The following DLGAP2 variants were observed in gnomAD, a reference collection of about 807,000 sequenced individuals.
The protein encoded by DLGAP2 is DLG associated protein 2.
A neutral mutation model predicts 100.3 loss-of-function variants in DLGAP2; 26 were observed. The ratio of observed to expected loss-of-function variants is 0.26; its 90% CI spans 0.19 to 0.36. The LOEUF is 0.36. Among genes scored for constraint, DLGAP2 ranks in the 10% least tolerant of loss-of-function variants. The pLI is 1.00. For missense variants in DLGAP2, 1,858 were observed against 1,453.2 expected (o/e 1.28, Z -4.53); for synonymous variants, 886 against 630.1 (o/e 1.41, Z -6.08).
intron 3 of DLGAP2, among the ~76,000 whole-genome samples, chr8:1,347,357 T>C (rs975307787): frequency 6.6e-6 from 1 of 151,618 alleles, no homozygotes; most frequent in Admixed American, 6.6e-5. Context: ...GAGGTTGAGT[T>C]CCCATACACA....
intron 14 of DLGAP2, among the ~76,000 whole-genome samples, chr8:1,699,099 A>G (rs550391042): frequency 3.9e-4 from 59 of 152,362 alleles, no homozygotes; most frequent in African/African-American, 1.4e-3. Flanking sequence ...GTTCAAACGG[A>G]ACGTACTGAA....
chr8:1,623,055 G>T (rs1433003049), intron 6 of DLGAP2, among the ~76,000 whole-genome samples: 1 of 152,198 alleles, frequency 6.6e-6, no homozygotes, highest in Non-Finnish European at 1.5e-5. Context: ...ATGATAAAAT[G>T]CTAAGCCATT....
intron 3 of DLGAP2, among the ~76,000 whole-genome samples, chr8:1,313,924 TC>T (rs1800669818): frequency 6.6e-6 from 1 of 152,178 alleles, no homozygotes; most frequent in Non-Finnish European, 1.5e-5. Flanking sequence ...ACGGTAGCTT[TC>T]CACACAAAAT....
At chr8:1,209,439 C>T (rs1036497725) in intron 2 of DLGAP2, among the ~76,000 whole-genome samples, 1 of 152,178 alleles carries the variant, frequency 6.6e-6, no homozygotes, top group Non-Finnish European at 1.5e-5. Flanking sequence ...TGTGATATAT[C>T]ATTGCATATG....
chr8:1,134,254 G>GT (rs1224641043), intron 2 of DLGAP2, among the ~76,000 whole-genome samples: 1 of 152,140 alleles, frequency 6.6e-6, no homozygotes, highest in African/African-American at 2.4e-5. Flanking sequence ...TGGCATTTAG[G>GT]TTGATTCCAT....
intron 2 of DLGAP2, among the ~76,000 whole-genome samples, chr8:1,108,000 A>G (rs1267232368): frequency 1.3e-5 from 2 of 152,210 alleles, no homozygotes; most frequent in African/African-American, 2.4e-5. Context: ...GAATAGTCGT[A>G]GTTGAGCCTG....
chr8:1,577,254 A>C lies in DLGAP2; in HGVS notation c.1442+11360A>C, dbSNP rs570462039. 2.6e-5 allele frequency among the ~76,000 whole-genome samples: 4 copies of C among 152,174 alleles called. No homozygotes were observed. The South Asian group carries it at 8.3e-4, about 32-fold the overall frequency. On this transcript the variant is annotated intron_variant, in intron 6 of 14. Transcript: ENST00000637795. ...ACTTTTTAACCCCGTAAATACACAT[A>C]CTTTGTCAATATACGATAAAAATTT...
At chr8:1,539,776 T>A (rs1299848670) in intron 4 of DLGAP2, among the ~76,000 whole-genome samples, 1 of 152,204 alleles carries the variant, frequency 6.6e-6, no homozygotes, top group African/African-American at 2.4e-5. Context: ...ACCTTCTGTG[T>A]GGATGTGTGA....
rs983016096 is a variant in DLGAP2 at position 1,240,375 on chromosome 8, C to T, written c.74-18476C>T. Among the ~76,000 whole-genome samples the T allele has an allele frequency of 8.3e-5, 12 of 144,944 alleles. No individual in the cohort carries two copies. The East Asian group carries it at 2.1e-3, about 25-fold the overall frequency. ...TCTAGTTCTGTCTCACACAGAGCATCGTGTCTGGTTCTCTCACATGGCACC... is the reference window on the plus strand; with the variant it reads ...TCTAGTTCTGTCTCACACAGAGCATTGTGTCTGGTTCTCTCACATGGCACC... On this transcript the variant is annotated intron_variant, in intron 2 of 14. Transcript: ENST00000637795.
intron 2 of DLGAP2, among the ~76,000 whole-genome samples, chr8:1,209,910 C>T (rs115246535): frequency 0.012 from 1,873 of 152,284 alleles, 33 homozygotes; most frequent in African/African-American, 0.036. Flanking sequence ...CCCTGAGAAA[C>T]GGCGTGTCAT....
intron 1 of DLGAP2, among the ~76,000 whole-genome samples, chr8:814,630 G>A (rs560396406): frequency 3.3e-5 from 5 of 151,898 alleles, no homozygotes; most frequent in South Asian, 2.1e-4. Context: ...GGTGGATCAC[G>A]AGGTCAGGAG....
intron 13 of DLGAP2, 88 bp from the exon 14 acceptor site, chr8:1,697,059 G>C (rs1045455829): frequency 1.5e-6 from 2 of 1,350,218 alleles, no homozygotes; most frequent in Non-Finnish European, 9.7e-7. Context: ...TCCGCCTCTT[G>C]AAAGGCATGC....
At chr8:1,228,502 T>C (rs2116828595) in intron 2 of DLGAP2, among the ~76,000 whole-genome samples, 1 of 152,304 alleles carries the variant, frequency 6.6e-6, no homozygotes, top group South Asian at 2.1e-4. Context: ...AATGACATCA[T>C]AAGAAACTAC....
intron 3 of DLGAP2, among the ~76,000 whole-genome samples, chr8:1,333,478 G>A (rs1204483705): frequency 6.6e-6 from 1 of 152,116 alleles, no homozygotes; most frequent in Non-Finnish European, 1.5e-5. Context: ...TCTAAATAGC[G>A]ATGTTTTGTG....
In DLGAP2 at chr8:1,173,698, A is replaced by G. The variant is rs182397826; in HGVS notation, c.74-85153A>G. ...ACCCTCTGAGCCAGGTGCAGGATAT[A>G]ATCTCCTGGTGCGCCATTTTTTAAG... On this transcript the variant is annotated intron_variant, in intron 2 of 14. Coordinates refer to ENST00000637795, the MANE Select transcript of DLGAP2 (RefSeq NM_001346810.2). 3.9e-5 allele frequency among the ~76,000 whole-genome samples: 6 copies of G among 152,272 alleles called. No homozygotes were observed. The East Asian group carries it at 9.7e-4, about 25-fold the overall frequency.
At chr8:1,042,011 C>G (rs1410141661) in intron 2 of DLGAP2, among the ~76,000 whole-genome samples, 1 of 152,154 alleles carries the variant, frequency 6.6e-6, no homozygotes, top group African/African-American at 2.4e-5. Flanking sequence ...AATTCTGTGT[C>G]CCCTAGATGG....
intron 1 of DLGAP2, among the ~76,000 whole-genome samples, chr8:745,628 A>C (rs1820599975): frequency 6.6e-6 from 1 of 152,246 alleles, no homozygotes; most frequent in Admixed American, 6.5e-5. Context: ...TAAGTTAGCT[A>C]AGTGGATGTT....
intron 2 of DLGAP2, among the ~76,000 whole-genome samples, chr8:1,256,293 C>T (rs150081168): frequency 0.015 from 1,913 of 128,488 alleles, 65 homozygotes; most frequent in African/African-American, 0.053. Context: ...TCCTCTCCTG[C>T]CCGGGTGCTG....
Position 959,457 on chromosome 8 carries a change from T to G in DLGAP2, c.73+51491T>G, listed in dbSNP as rs1799671874. Among the ~76,000 whole-genome samples, 3 of 152,326 alleles carry G rather than the reference T, an allele frequency of 2.0e-5. No homozygotes were observed. In the South Asian group the frequency reaches 6.2e-4, roughly 32 times the overall value. On this transcript the variant is annotated intron_variant, in intron 2 of 14. Coordinates refer to ENST00000637795, the MANE Select transcript of DLGAP2 (RefSeq NM_001346810.2). ...GCCTTAGCTCTGAGAATGCCCTGGCTCATGCTGGCTTAGAATGTGGTCTTG... is the reference window on the plus strand; with the variant it reads ...GCCTTAGCTCTGAGAATGCCCTGGCGCATGCTGGCTTAGAATGTGGTCTTG...
Sources: gnomAD v4.1 joint callset for allele counts (sites outside exome capture counted in the v4.1 genomes callset) on GRCh38, gnomAD v4.1.1 for gene constraint, MANE v1.5 for transcripts, NCBI Gene and HGNC (gene_info 2026-07-23, HGNC 2026-07-21) for gene names.